Variants in AGBL4 observed in about 807,000 individuals in gnomAD.
The protein encoded by AGBL4 is cytosolic carboxypeptidase 6.
AGBL4 carries 58 observed loss-of-function variants against 66.4 expected under a neutral mutation model. That is an observed-to-expected ratio of 0.87 (90% CI 0.71 to 1.09). The LOEUF is 1.09. AGBL4 is among the 50% of genes least tolerant of loss of function. AGBL4 has a pLI of 0.00. For synonymous variants in AGBL4, 234 were observed against 222.9 expected (o/e 1.05, Z -0.44); for missense variants, 579 against 631.0 (o/e 0.92, Z 0.88).
At chr1:49,756,015 T>G (rs1423531438) in intron 2 of AGBL4, among the ~76,000 whole-genome samples, 1 of 152,200 alleles carries the variant, frequency 6.6e-6, no homozygotes, top group African/African-American at 2.4e-5. Context: ...ACGCCAAAAT[T>G]TACTTACGTC....
At chr1:49,930,779 C>A (rs1362905796) in intron 1 of AGBL4, among the ~76,000 whole-genome samples, 1 of 151,882 alleles carries the variant, frequency 6.6e-6, no homozygotes, top group Non-Finnish European at 1.5e-5. Context: ...GAAAAATCAA[C>A]AAAAAAATAC....
At chr1:49,961,676 T>A (rs74081108) in intron 1 of AGBL4, among the ~76,000 whole-genome samples, 128 of 152,230 alleles carry the variant, frequency 8.4e-4, no homozygotes, top group African/African-American at 2.9e-3. Context: ...TTGAAAAGCA[T>A]GCCAATATGC....
intron 2 of AGBL4, among the ~76,000 whole-genome samples, chr1:49,818,100 G>C (rs1217483765): frequency 6.6e-6 from 1 of 151,984 alleles, no homozygotes; most frequent in Non-Finnish European, 1.5e-5. Flanking sequence ...CAATGACATT[G>C]ATCCACACTA....
intron 1 of AGBL4, among the ~76,000 whole-genome samples, chr1:49,935,382 T>G (rs1653868397): frequency 6.6e-6 from 1 of 152,362 alleles, no homozygotes; most frequent in Non-Finnish European, 1.5e-5. Context: ...TGCCTGCCTC[T>G]GTAGGCTCCA....
chr1:49,252,956 A>G (rs963459119), intron 3 of AGBL4, among the ~76,000 whole-genome samples: 8 of 152,156 alleles, frequency 5.3e-5, no homozygotes, highest in Non-Finnish European at 1.2e-4. Context: ...ACAAAAACAC[A>G]CTGAAATACA....
intron 3 of AGBL4, among the ~76,000 whole-genome samples, chr1:49,579,036 A>C (rs1163868226): frequency 6.6e-6 from 1 of 152,098 alleles, no homozygotes; most frequent in Admixed American, 6.5e-5. Context: ...AAAGGAGAGA[A>C]AGGCCTAGCC....
chr1:48,599,048 G>A (rs966703287), intron 9 of AGBL4, among the ~76,000 whole-genome samples: 11 of 151,700 alleles, frequency 7.3e-5, no homozygotes, highest in South Asian at 2.1e-4. Flanking sequence ...AACATGAGCC[G>A]AGAGCTACAT....
intron 6 of AGBL4, among the ~76,000 whole-genome samples, chr1:48,713,044 T>A (rs1646992352): frequency 6.6e-6 from 1 of 152,202 alleles, no homozygotes; most frequent in Admixed American, 6.5e-5. Context: ...TAGACAGGGA[T>A]GCTTGGTACC....
chr1:49,111,179 T>C (rs1645401273), intron 4 of AGBL4, among the ~76,000 whole-genome samples: 1 of 151,358 alleles, frequency 6.6e-6, no homozygotes, highest in Non-Finnish European at 1.5e-5. Context: ...AGTGGCGTGA[T>C]CTCGCCTCAC....
chr1:49,927,449 G>A (rs1446038590), intron 1 of AGBL4, among the ~76,000 whole-genome samples: 1 of 152,170 alleles, frequency 6.6e-6, no homozygotes, highest in Non-Finnish European at 1.5e-5. Context: ...GATGGAGTGA[G>A]TACAAGCAGG....
intron 4 of AGBL4, among the ~76,000 whole-genome samples, chr1:49,245,194 T>C (rs1651539770): frequency 6.6e-6 from 1 of 150,666 alleles, no homozygotes; most frequent in Non-Finnish European, 1.5e-5. Context: ...TTACAATTAT[T>C]AACCAATCCT....
At chr1:48,674,733 C>T (rs116728592) in intron 6 of AGBL4, among the ~76,000 whole-genome samples, 1,662 of 152,196 alleles carry the variant, frequency 0.011, 28 homozygotes, top group African/African-American at 0.039. Context: ...AAATAAAGTA[C>T]TAATAACGGT....
chr1:49,684,601 T>A (rs1646754381), intron 3 of AGBL4, among the ~76,000 whole-genome samples: 1 of 152,162 alleles, frequency 6.6e-6, no homozygotes, highest in Non-Finnish European at 1.5e-5. Context: ...CAATAAAAGG[T>A]GAAATATAAC....
chr1:48,570,774 G>A (rs1277563398), intron 11 of AGBL4, among the ~76,000 whole-genome samples: 1 of 152,146 alleles, frequency 6.6e-6, no homozygotes, highest in African/African-American at 2.4e-5. Context: ...TATCACTAAA[G>A]TGCTTAGCCA....
intron 7 of AGBL4, among the ~76,000 whole-genome samples, chr1:48,660,566 T>C (rs940827184): frequency 6.6e-6 from 1 of 152,220 alleles, no homozygotes; most frequent in Non-Finnish European, 1.5e-5. Context: ...TGTCTACATG[T>C]AGCTGAGACA....
intron 2 of AGBL4, among the ~76,000 whole-genome samples, chr1:49,712,171 C>A (rs1647722952): frequency 1.3e-5 from 2 of 151,732 alleles, no homozygotes; most frequent in African/African-American, 4.8e-5. Context: ...AATATTAAGG[C>A]AAAATATGAT....
At chr1:48,923,430 A>G (rs1335224627) in intron 5 of AGBL4, among the ~76,000 whole-genome samples, 1 of 152,240 alleles carries the variant, frequency 6.6e-6, no homozygotes. Flanking sequence ...CCCAGAAGTC[A>G]AAAGGAAAGC....
intron 3 of AGBL4, among the ~76,000 whole-genome samples, chr1:49,466,513 C>T (rs967968845): frequency 1.3e-5 from 2 of 151,806 alleles, no homozygotes; most frequent in African/African-American, 2.4e-5. Flanking sequence ...GGTGCAGTGC[C>T]GAAACCATCA....
chr1:48,974,817 T>C (rs1470900195), intron 5 of AGBL4, among the ~76,000 whole-genome samples: 2 of 152,198 alleles, frequency 1.3e-5, no homozygotes, highest in Admixed American at 1.3e-4. Flanking sequence ...GCTATTGATC[T>C]GGCAAATACT....
Sources: gnomAD v4.1 joint callset for allele counts (sites outside exome capture counted in the v4.1 genomes callset) on GRCh38, gnomAD v4.1.1 for gene constraint, MANE v1.5 for transcripts, NCBI Gene and HGNC (gene_info 2026-07-23, HGNC 2026-07-21) for gene names.